The following THADA variants were observed in gnomAD, a reference collection of about 807,000 sequenced individuals.
THADA encodes the protein THADA armadillo repeat containing.
In THADA, 213 loss-of-function variants were observed where a neutral mutation model predicts 219.8. That is an observed-to-expected ratio of 0.97 (90% CI 0.87 to 1.09). THADA has a LOEUF of 1.09. Ranked by LOEUF, THADA falls within the 50% of genes least tolerant of loss-of-function variation. THADA has a pLI of 0.00. For synonymous variants in THADA, 1,018 were observed against 828.9 expected, an observed-to-expected ratio of 1.23 and a Z score of -3.92; for missense variants, 2,956 against 2,311.3, an observed-to-expected ratio of 1.28 and a Z score of -5.72.
intron 26 of THADA, among the ~76,000 whole-genome samples, chr2:43,472,973 G>A (rs1022186558): frequency 4.6e-5 from 7 of 152,184 alleles, no homozygotes; most frequent in African/African-American, 1.4e-4. Context: ...CTGCAGGACT[G>A]GAAGTTGTTC....
intron 26 of THADA, among the ~76,000 whole-genome samples, chr2:43,452,893 T>C (rs1239887702): frequency 6.6e-6 from 1 of 152,196 alleles, no homozygotes; most frequent in African/African-American, 2.4e-5. Context: ...CTTCCTAATA[T>C]ACTAGAATAT....
At chr2:43,360,813 T>C (rs1669426362) in intron 29 of THADA, among the ~76,000 whole-genome samples, 1 of 152,120 alleles carries the variant, frequency 6.6e-6, no homozygotes, top group South Asian at 2.1e-4. Context: ...CCTAAAGAAG[T>C]CCTTTTAGCC....
intron 29 of THADA, chr2:43,372,207 G>A (rs1250270085): frequency 1.3e-5 from 2 of 152,120 alleles, no homozygotes; most frequent in African/African-American, 2.4e-5. Flanking sequence ...CTGAACACAC[G>A]AGAAATCTAT....
At chr2:43,445,472 G>A (rs763609998) in intron 26 of THADA, among the ~76,000 whole-genome samples, 14 of 152,144 alleles carry the variant, frequency 9.2e-5, no homozygotes, top group South Asian at 2.1e-4. Flanking sequence ...CAGGAGTCCC[G>A]TGGTCAGAAT....
chr2:43,237,499 G>A (rs1668168617), intron 36 of THADA, among the ~76,000 whole-genome samples: 1 of 148,298 alleles, frequency 6.7e-6, no homozygotes. Flanking sequence ...CCAGGTTCAA[G>A]CAATTCTCCT....
chr2:43,322,505 A>AAAAT (rs1170307797), intron 30 of THADA, among the ~76,000 whole-genome samples: 1 of 151,124 alleles, frequency 6.6e-6, no homozygotes, highest in Admixed American at 6.6e-5. Context: ...CTCTGTCTCA[A>AAAAT]AAATAAATAA....
At chr2:43,371,998 G>A (rs1558654821) in intron 29 of THADA, 1 of 152,156 alleles carries the variant, frequency 6.6e-6, no homozygotes, top group Non-Finnish European at 1.5e-5. Flanking sequence ...GGGATAACTC[G>A]TTCCTGGGCG....
At chr2:43,242,077 C>T (rs908847742) in intron 36 of THADA, among the ~76,000 whole-genome samples, 5 of 152,240 alleles carry the variant, frequency 3.3e-5, no homozygotes, top group Non-Finnish European at 7.3e-5. Flanking sequence ...AACGCAGATC[C>T]TGTGGTGTTT....
chr2:43,511,923 G>C (rs1461783950), intron 22 of THADA, among the ~76,000 whole-genome samples: 2 of 152,204 alleles, frequency 1.3e-5, no homozygotes, highest in Non-Finnish European at 2.9e-5. Context: ...GGAAGTAAAA[G>C]ATGAGATGAC....
rs1046443821 is a variant in THADA, at chr2:43,233,112, A to T, written c.5297-230T>A. ...TGAACCCACTGTTTCCATGCCCCCT[A>T]ACTCAGTGTGGACAGAAGCAGTTCC... On this transcript the variant is annotated intron_variant, in intron 36 of 37. Coordinates refer to ENST00000405975, the MANE Select transcript of THADA (RefSeq NM_022065.5). 14 of 535,388 alleles carry T rather than the reference A, an allele frequency of 2.6e-5. No individual in the cohort carries two copies. In the Admixed American group the frequency reaches 4.3e-4, roughly 17 times the overall value. 33.2% of individuals were successfully genotyped at this position (535,388 alleles called of 1,614,324 possible).
At chr2:43,556,961 T>C (rs1445333070) in intron 16 of THADA, among the ~76,000 whole-genome samples, 1 of 152,148 alleles carries the variant, frequency 6.6e-6, no homozygotes, top group Non-Finnish European at 1.5e-5. Context: ...TGCACACCTG[T>C]AGTCCCAGCC....
At chr2:43,534,221 T>A (rs1395748345) in intron 21 of THADA, among the ~76,000 whole-genome samples, 1 of 152,166 alleles carries the variant, frequency 6.6e-6, no homozygotes, top group East Asian at 1.9e-4. Flanking sequence ...TTATCCATAT[T>A]TATGGGGTAC....
At chr2:43,568,731 A>G (rs1200869994) in intron 14 of THADA, among the ~76,000 whole-genome samples, 4 of 152,162 alleles carry the variant, frequency 2.6e-5, no homozygotes, top group Admixed American at 1.3e-4. Flanking sequence ...TAGGCTGGGC[A>G]TAATATCCAC....
At chr2:43,436,106 T>C (rs1680069230) in intron 26 of THADA, among the ~76,000 whole-genome samples, 1 of 152,150 alleles carries the variant, frequency 6.6e-6, no homozygotes, top group Non-Finnish European at 1.5e-5. Flanking sequence ...GGCCCATGAG[T>C]ACATAAAGGG....
At chr2:43,380,092 T>C (rs1420092172) in intron 29 of THADA, among the ~76,000 whole-genome samples, 3 of 152,204 alleles carry the variant, frequency 2.0e-5, no homozygotes, top group Non-Finnish European at 4.4e-5. Flanking sequence ...TATGATATTA[T>C]AGTGGTGGGT....
chr2:43,292,828 C>G lies in THADA; in HGVS notation c.4818+6G>C. 6.2e-7 allele frequency: 1 copy of G among 1,609,896 alleles called. No homozygotes were observed. Among genetic ancestry groups the G allele is most frequent in the Non-Finnish European group, 8.5e-7 (1 of 1,179,468 alleles). ...AAAGGGCCAGTCAGTACGTTGGAGA[C>G]TTTACCTTGCAGAAGCATTCTGGGT... On this transcript the variant is annotated splice_donor_region_variant and intron_variant, in intron 32 of 37. Transcript: ENST00000405975.
Position 43,384,010 on chromosome 2 carries a change from C to T in THADA, c.4227+13961G>A, listed in dbSNP as rs558886885. On this transcript the variant is annotated intron_variant, in intron 29 of 37. Transcript: ENST00000405975. ...GTCTAACATACACACACAGGCTACC[C>T]CCCTACCCCAGCTTCTCTATATGAA... Among the ~76,000 whole-genome samples the T allele has an allele frequency of 3.3e-5, 5 of 152,214 alleles. No homozygotes were observed. The East Asian group carries it at 5.8e-4, about 18-fold the overall frequency.
intron 1 of THADA, among the ~76,000 whole-genome samples, chr2:43,594,350 C>T (rs34925018): frequency 0.19 from 28,556 of 151,988 alleles, 2,786 homozygotes; most frequent in East Asian, 0.25. Flanking sequence ...GAGGCCGAGG[C>T]GGGTGGATCT....
In THADA at chr2:43,428,110, A is replaced by C. The variant is rs769507793; in HGVS notation, c.4048T>G (p.Phe1350Val). ...SALSMGPFVPFIMRCGHSPVY... is the reference protein window; with the variant it reads ...SALSMGPFVPVIMRCGHSPVY... ...ACAGCATGACACTACCTCATAATGA[A>C]GGGAACAAAAGGTCCCATGCTGAGA... Residue 1350 changes from phenylalanine to valine, a missense_variant, in exon 28 of 38, where the codon TTC becomes GTC. Physicochemically the swap from Phe to Val is conservative, Grantham distance 50. Transcript: ENST00000405975. The C allele has an allele frequency of 5.6e-6, 9 of 1,608,582 alleles. 1 individual carries two copies. The South Asian group carries it at 9.9e-5, about 18-fold the overall frequency.
Sources: allele counts gnomAD v4.1 joint callset (sites outside exome capture counted in the v4.1 genomes callset), GRCh38; gene constraint gnomAD v4.1.1; transcripts MANE v1.5; gene names NCBI Gene and HGNC (gene_info 2026-07-23, HGNC 2026-07-21).